The following AFF2 variants were observed in gnomAD, a reference collection of about 807,000 sequenced individuals.
AFF2 encodes AF4/FMR2 family member 2.
A neutral mutation model predicts 76.9 loss-of-function variants in AFF2; 14 were observed. That is an observed-to-expected ratio of 0.18 (90% CI 0.12 to 0.28). The LOEUF (loss-of-function observed/expected upper bound fraction) is 0.28. AFF2 is among the 10% of genes least tolerant of loss of function. The probability of loss-of-function intolerance (pLI) is 1.00; values close to 1 mark genes in which losing one functional copy is unlikely to be tolerated. For synonymous variants in AFF2, 398 were observed against 366.7 expected (o/e 1.09, Z -0.98); for missense variants, 868 against 1,001.1 (o/e 0.87, Z 1.79).
intron 1 of AFF2, among the ~76,000 whole-genome samples, chrX:148,519,083 A>G (rs2052568319): frequency 9.0e-6 from 1 of 111,652 alleles, no homozygotes; most frequent in Non-Finnish European, 1.9e-5. Flanking sequence ...CGTATTAATT[A>G]CTGTTGCCTC....
At chrX:148,796,572 T>A (rs1557270474) in intron 3 of AFF2, among the ~76,000 whole-genome samples, 1 of 112,055 alleles carries the variant, frequency 8.9e-6, no homozygotes, top group Non-Finnish European at 1.9e-5. Context: ...AACTTTGAAT[T>A]ATAATTTCAA....
At chrX:148,618,540 T>A (rs2053835983) in intron 1 of AFF2, among the ~76,000 whole-genome samples, 1 of 111,497 alleles carries the variant, frequency 9.0e-6, no homozygotes, top group Non-Finnish European at 1.9e-5. Context: ...GGGATTATTA[T>A]AATTGAAGGT....
Position 148,987,533 on chromosome X carries a change from G to A in AFF2, c.3790G>A (p.Asp1264Asn). 5.0e-6 allele frequency: 6 copies of A among 1,209,843 alleles called. No homozygotes were observed. Among genetic ancestry groups the A allele is most frequent in the Non-Finnish European group, 6.7e-6 (6 of 894,320 alleles). ...GGGCTATGAACACTGGGATATGGCC[G>A]ACAAACTGACAAGAGAAAACAAAGG... is the stretch of plus-strand genomic sequence containing the variant. ...LRGYEHWDMA[D>N]KLTRENKEFF... Residue 1264 changes from aspartate (D) to asparagine (N), a missense_variant, in exon 20 of 21, where the codon GAC becomes AAC. This residue lies in a region of AFF2 where 33 missense variants were observed against 63.6 expected (regional missense o/e 0.52). Coordinates refer to ENST00000370460, the MANE Select transcript of AFF2 (RefSeq NM_002025.4).
At chrX:148,946,770 T>C (rs553049610) in intron 9 of AFF2, among the ~76,000 whole-genome samples, 1 of 112,135 alleles carries the variant, frequency 8.9e-6, no homozygotes, top group South Asian at 3.8e-4. Flanking sequence ...AACACCAGCA[T>C]AGCAGGTCAA....
chrX:148,628,419 G>A (rs983602537), intron 1 of AFF2, among the ~76,000 whole-genome samples: 15 of 111,245 alleles, frequency 1.3e-4, no homozygotes, highest in African/African-American at 4.6e-4. Context: ...ATATTTGCCA[G>A]AGAGAACCAA....
chrX:148,834,305 T>C (rs1463031057), intron 4 of AFF2, among the ~76,000 whole-genome samples: 1 of 112,042 alleles, frequency 8.9e-6, no homozygotes, highest in African/African-American at 3.2e-5. Flanking sequence ...TGTGCACTCT[T>C]GTACCAGTAA....
chrX:148,985,082 T>G (rs895609685), intron 19 of AFF2, among the ~76,000 whole-genome samples: 2 of 109,621 alleles, frequency 1.8e-5, no homozygotes, highest in South Asian at 7.9e-4. Flanking sequence ...CCTTCTCAGA[T>G]CAAGTGATTC....
At chrX:148,934,332 C>T (rs1311240710) in intron 9 of AFF2, among the ~76,000 whole-genome samples, 2 of 112,139 alleles carry the variant, frequency 1.8e-5, no homozygotes, top group Admixed American at 9.5e-5. Flanking sequence ...CCTTTACTTC[C>T]GTGAATGCAG....
chrX:148,770,123 A>G (rs933446711), intron 3 of AFF2, among the ~76,000 whole-genome samples: 13 of 111,562 alleles, frequency 1.2e-4, no homozygotes, highest in Admixed American at 9.5e-5. Flanking sequence ...ACAAACATTT[A>G]TCATGATTGG....
rs1276395834 is a variant in AFF2, at chrX:148,825,052, CCA to C, written c.1087-12582_1087-12581del. Among the ~76,000 whole-genome samples, 367 of 109,751 alleles carry C rather than the reference CCA, an allele frequency of 3.3e-3. 3 individuals are homozygous for C. The highest frequency in any genetic ancestry group is 0.011 in the African/African-American group (347 of 30,227). ...ACAGAGTGAGACCTCATCTCTAAAACCACACACACACACATACACACACACAC... is the reference window on the plus strand; with the variant it reads ...ACAGAGTGAGACCTCATCTCTAAAACCACACACACACATACACACACACAC... On this transcript the variant is annotated intron_variant, in intron 4 of 20. Coordinates refer to ENST00000370460, the MANE Select transcript of AFF2 (RefSeq NM_002025.4).
intron 1 of AFF2, among the ~76,000 whole-genome samples, chrX:148,549,152 A>T (rs1353967282): frequency 8.9e-6 from 1 of 112,142 alleles, no homozygotes; most frequent in Non-Finnish European, 1.9e-5. Context: ...AGGTGGGGCT[A>T]TGTCAACTAT....
intron 19 of AFF2, among the ~76,000 whole-genome samples, chrX:148,985,203 T>C (rs1458954608): frequency 5.6e-5 from 6 of 107,275 alleles, no homozygotes; most frequent in African/African-American, 1.4e-4. Context: ...CAGGCTGGTT[T>C]TCGAACTCCT....
In AFF2 at chrX:148,622,385, CG is replaced by C. The variant is rs1187118502; in HGVS notation, c.48-29612del. 4.5e-5 allele frequency among the ~76,000 whole-genome samples: 5 copies of C among 111,797 alleles called. No homozygotes were observed. The East Asian group carries it at 1.4e-3, about 32-fold the overall frequency. ...TCAGGTAAGAGTTGATGTTGCAGTC[CG>C]GAGGCAGAACTTCTTTCCTGGGAAA... On this transcript the variant is annotated intron_variant, in intron 1 of 20. Coordinates refer to ENST00000370460, the MANE Select transcript of AFF2 (RefSeq NM_002025.4).
At chrX:148,533,786 C>G (rs2052755873) in intron 1 of AFF2, among the ~76,000 whole-genome samples, 1 of 112,025 alleles carries the variant, frequency 8.9e-6, no homozygotes, top group South Asian at 3.7e-4. Context: ...TTACTGGCTT[C>G]ATAAATTTGT....
intron 9 of AFF2, among the ~76,000 whole-genome samples, chrX:148,929,344 G>A (rs2071687053): frequency 8.9e-6 from 1 of 112,233 alleles, no homozygotes; most frequent in Admixed American, 9.4e-5. Flanking sequence ...CATTAATGAA[G>A]ACATATGAAA....
intron 9 of AFF2, among the ~76,000 whole-genome samples, chrX:148,907,524 G>T (rs1557281563): frequency 9.0e-6 from 1 of 111,350 alleles, no homozygotes; most frequent in South Asian, 3.8e-4. Context: ...GGGTGTCCGG[G>T]GGGGACATCA....
chrX:148,568,893 AAGG>A (rs1367296112), intron 1 of AFF2, among the ~76,000 whole-genome samples: 3 of 111,705 alleles, frequency 2.7e-5, no homozygotes, highest in African/African-American at 3.3e-5. Context: ...TATGAAATAA[AAGG>A]AGCATATTTC....
At chrX:148,554,271 A>G (rs2053027036) in intron 1 of AFF2, among the ~76,000 whole-genome samples, 1 of 112,583 alleles carries the variant, frequency 8.9e-6, no homozygotes, top group South Asian at 3.7e-4. Flanking sequence ...GTGCTGGGCT[A>G]GTTGCTGCGG....
At chrX:148,860,324 T>C (rs2070833278) in intron 7 of AFF2, among the ~76,000 whole-genome samples, 1 of 111,796 alleles carries the variant, frequency 8.9e-6, no homozygotes, top group Admixed American at 9.5e-5. Flanking sequence ...TAACAATAAA[T>C]TGAGAAAATT....
Sources: allele counts gnomAD v4.1 joint callset (sites outside exome capture counted in the v4.1 genomes callset), GRCh38; gene constraint gnomAD v4.1.1; regional missense constraint gnomAD v4.1.1; transcripts MANE v1.5; gene names NCBI Gene and HGNC (gene_info 2026-07-23, HGNC 2026-07-21).